Variants in CAGE1 observed in about 807,000 individuals in gnomAD.
The protein encoded by CAGE1 is cancer-associated gene 1 protein.
Under a neutral mutation model 94.9 loss-of-function variants are expected in CAGE1, and 66 were observed. The observed-to-expected ratio is 0.70, with a 90% CI of 0.57 to 0.85. The LOEUF is 0.85. CAGE1 is among the 40% of genes least tolerant of loss of function. The pLI is 0.00. For synonymous variants in CAGE1, 319 were observed against 321.0 expected (o/e 0.99, Z 0.07); for missense variants, 865 against 950.4 (o/e 0.91, Z 1.18).
chr6:7,366,412 A>C (rs1760336764), intron 7 of CAGE1, among the ~76,000 whole-genome samples: 2 of 152,160 alleles, frequency 1.3e-5, no homozygotes, highest in Non-Finnish European at 2.9e-5. Flanking sequence ...TGGCATTTGG[A>C]AAGTTGGACT....
At position 7,358,039 on chromosome 6, in the gene CAGE1, T is replaced by G. The variant is rs1348049334; in HGVS notation, c.2194-1910A>C. Among the ~76,000 whole-genome samples the G allele has an allele frequency of 2.1e-4, 13 of 63,376 alleles. No homozygotes were observed. The South Asian group carries it at 6.2e-3, about 30-fold the overall frequency. The allele number at this position is 63,376 out of a possible 152,430, so 41.6% of individuals were successfully genotyped here. On this transcript the variant is annotated intron_variant, in intron 9 of 13. Transcript: ENST00000502583. ...AGGTAAGTTTTGAGATATATATATATATATATATATATATATATATATATA... is the reference window on the plus strand; with the variant it reads ...AGGTAAGTTTTGAGATATATATATAGATATATATATATATATATATATATA...
At position 7,356,256 on chromosome 6, in the gene CAGE1, G is replaced by T. The variant is rs1351682764; in HGVS notation, c.2194-127C>A. 4 of 613,760 alleles carry T rather than the reference G, an allele frequency of 6.5e-6. No individual in the cohort carries two copies. In the East Asian group the frequency reaches 1.1e-4, roughly 17 times the overall value. The allele number at this position is 613,760 out of a possible 1,614,324, so 38.0% of individuals were successfully genotyped here. On this transcript the variant is annotated intron_variant, in intron 9 of 13. Coordinates refer to ENST00000502583, the MANE Select transcript of CAGE1 (RefSeq NM_001170692.2). ...ATATTCTTCTAAACCGAGCTGTACC[G>T]TAGGTGAAGCATGAGAGGCTATGAA...
In CAGE1 at chr6:7,339,279, C is replaced by T; in HGVS notation, c.2370-5189G>A. On this transcript the variant is annotated intron_variant, in intron 11 of 13. Transcript: ENST00000502583. The surrounding 1 kb of genome is among the most constrained non-coding windows in gnomAD (Gnocchi z 4.7). ...CAGAGACTCTGCCTGGGCAATGGCA[C>T]ACAGACCCCTAGTGGCCACCTCTTC... 6.3e-7 allele frequency: 1 copy of T among 1,588,694 alleles called. No individual in the cohort carries two copies. Among genetic ancestry groups the T allele is most frequent in the Non-Finnish European group, 8.6e-7 (1 of 1,157,786 alleles).
At chr6:7,349,926 T>C (rs1759705219) in intron 11 of CAGE1, among the ~76,000 whole-genome samples, 1 of 137,144 alleles carries the variant, frequency 7.3e-6, no homozygotes, top group African/African-American at 2.8e-5. Flanking sequence ...AGTGAAACAC[T>C]TGTCTCAAAA....
chr6:7,346,799 C>T (rs1759561516), intron 11 of CAGE1, among the ~76,000 whole-genome samples: 1 of 147,700 alleles, frequency 6.8e-6, no homozygotes, highest in African/African-American at 2.5e-5. Context: ...GTGCTACTGA[C>T]TCCAGCTGAG....
chr6:7,383,621 C>A (rs1392715060), intron 3 of CAGE1, among the ~76,000 whole-genome samples: 1 of 152,146 alleles, frequency 6.6e-6, no homozygotes, highest in African/African-American at 2.4e-5. Flanking sequence ...TGTTATCTAG[C>A]AGGGTAAGTC....
intron 9 of CAGE1, among the ~76,000 whole-genome samples, chr6:7,363,323 T>C (rs976503873): frequency 6.6e-6 from 1 of 152,058 alleles, no homozygotes; most frequent in Non-Finnish European, 1.5e-5. Flanking sequence ...AAAAACAAAA[T>C]GGTACCACTA....
intron 7 of CAGE1, 151 bp downstream of exon 7, chr6:7,368,537 A>C (rs45508696): frequency 0.036 from 16,859 of 463,478 alleles, 553 homozygotes; most frequent in African/African-American, 0.12. Flanking sequence ...TGAACATTTT[A>C]TCTCTTTAGT....
Position 7,329,866 on chromosome 6 carries a change from G to T in CAGE1, c.2461C>A (p.Pro821Thr). ...TGACCTACCATGGTCATGGACTTCG[G>T]ATGATTTTCTAAGCTTTTTGATCTG... The part of the protein sequence containing the change: ...KPRSKSLENH[P>T]KSMTMMPALF... Residue 821 changes from proline (P) to threonine (T), a missense_variant, in exon 13 of 14, where the codon CCG becomes ACG. Transcript: ENST00000502583. 1.4e-6 allele frequency: 2 copies of T among 1,459,690 alleles called. No individual in the cohort carries two copies. Among genetic ancestry groups the T allele is most frequent in the Non-Finnish European group, 1.9e-6 (2 of 1,052,154 alleles). The allele number at this position is 1,459,690 out of a possible 1,614,324, so 90.4% of individuals were successfully genotyped here. A position where few individuals can be genotyped will look rare whatever the true frequency, so the allele number is the denominator to read the frequency against.
At chr6:7,374,237 C>T (rs1760657761) in intron 4 of CAGE1, 106 bp from the exon 5 acceptor site, 1 of 839,994 alleles carries the variant, frequency 1.2e-6, no homozygotes, top group Admixed American at 2.5e-5. Context: ...CCCTGTTTGG[C>T]TTTCTCCGCT....
At chr6:7,346,006 ATAGAC>A (rs1439859788) in intron 11 of CAGE1, among the ~76,000 whole-genome samples, 3 of 152,216 alleles carry the variant, frequency 2.0e-5, no homozygotes, top group South Asian at 4.1e-4. Flanking sequence ...AGCAGAATCA[ATAGAC>A]TAGCACCAAT....
At chr6:7,386,728 A>C (rs1761133481) in intron 2 of CAGE1, among the ~76,000 whole-genome samples, 1 of 152,202 alleles carries the variant, frequency 6.6e-6, no homozygotes, top group Non-Finnish European at 1.5e-5. Context: ...CTGGGATTAC[A>C]GGTGCTCGCT....
At chr6:7,341,680 T>C (rs1424969143) in intron 11 of CAGE1, 4 of 718,050 alleles carry the variant, frequency 5.6e-6, no homozygotes, top group Non-Finnish European at 1.1e-5. Flanking sequence ...AACCTTCACG[T>C]ACAGGCAGGA....
intron 10 of CAGE1, among the ~76,000 whole-genome samples, 185 bp from the exon 11 acceptor site, chr6:7,355,296 C>T (rs1274986623): frequency 1.3e-5 from 2 of 152,186 alleles, no homozygotes; most frequent in Non-Finnish European, 2.9e-5. Context: ...GCCCATTAAT[C>T]ATGCAGAAAA....
chr6:7,344,028 G>C (rs1213947065), intron 11 of CAGE1, among the ~76,000 whole-genome samples: 2 of 152,252 alleles, frequency 1.3e-5, no homozygotes, highest in Admixed American at 6.5e-5. Context: ...TTAAGTGTTA[G>C]AAAGTGGTGA....
chr6:7,389,139 G>A lies in CAGE1; in HGVS notation c.-24+63C>T, dbSNP rs559263691. On this transcript the variant is annotated intron_variant, in intron 1 of 13. Transcript: ENST00000502583. The stretch of plus-strand genomic sequence containing the variant: ...GATAGGAGTTAAAAGAGGTGTCACG[G>A]GAGTTACTCGCAAAAACTATAGTTT... 115 of 396,858 alleles carry A rather than the reference G, an allele frequency of 2.9e-4. 2 individuals are homozygous for A. Among genetic ancestry groups the A allele is most frequent in the South Asian group, 2.0e-3 (111 of 55,282 alleles). The allele number at this position is 396,858 out of a possible 1,614,324, so 24.6% of individuals were successfully genotyped here. A position where few individuals can be genotyped will look rare whatever the true frequency, so the allele number is the denominator to read the frequency against.
At chr6:7,352,306 C>CAAAA (rs796943772) in intron 11 of CAGE1, among the ~76,000 whole-genome samples, 2 of 103,978 alleles carry the variant, frequency 1.9e-5, no homozygotes, top group African/African-American at 4.3e-5. Flanking sequence ...AAAAAAAAAA[C>CAAAA]AAAAAAAAAC....
Position 7,389,587 on chromosome 6 carries a change from G to A in CAGE1, c.-409C>T. ...GGCCGAACAGCCTGTGGGCTAGCTGGCGCCTCCTGCCGCAGTAAACACAAA... is the reference window on the plus strand; with the variant it reads ...GGCCGAACAGCCTGTGGGCTAGCTGACGCCTCCTGCCGCAGTAAACACAAA... On this transcript the variant is annotated 5_prime_UTR_variant, in exon 1 of 14. Transcript: ENST00000502583. The A allele has an allele frequency of 3.0e-6, 1 of 332,822 alleles. No homozygotes were observed. The highest frequency in any genetic ancestry group is 6.0e-6 in the Non-Finnish European group (1 of 166,962). 20.6% of individuals were successfully genotyped at this position (332,822 alleles called of 1,614,324 possible). A position where few individuals can be genotyped will look rare whatever the true frequency, so the allele number is the denominator to read the frequency against.
rs1183597733 is a variant in CAGE1, at chr6:7,352,298, AAAAAAAACAAAAAAAAAC to A, written c.2369+2725_2369+2742del. Among the ~76,000 whole-genome samples, 17 of 119,398 alleles carry A rather than the reference AAAAAAAACAAAAAAAAAC, an allele frequency of 1.4e-4. 1 individual carries two copies. The highest frequency in any genetic ancestry group is 5.6e-4 in the African/African-American group (16 of 28,544). The allele number at this position is 119,398 out of a possible 152,430, so 78.3% of individuals were successfully genotyped here. ...CCTTTTTACAATAGCTGCAAAAAAA[AAAAAAAACAAAAAAAAAC>A]AAAAAAAAAAAACCTAACCAAAGAG... On this transcript the variant is annotated intron_variant, in intron 11 of 13. Transcript: ENST00000502583.
Sources: gnomAD v4.1 joint callset for allele counts (sites outside exome capture counted in the v4.1 genomes callset) on GRCh38, gnomAD v4.1.1 for gene constraint, Gnocchi (gnomAD v3.1) non-coding constraint, MANE v1.5 for transcripts, NCBI Gene and HGNC (gene_info 2026-07-23, HGNC 2026-07-21) for gene names.